Variants in ROBO1 observed in about 807,000 individuals in gnomAD.
ROBO1 encodes the protein roundabout homolog 1.
In ROBO1, 149 loss-of-function variants were observed where a neutral mutation model predicts 195.9. The observed-to-expected ratio is 0.76, with a 90% CI of 0.67 to 0.87. The LOEUF (loss-of-function observed/expected upper bound fraction) is 0.87. ROBO1 is among the 40% of genes least tolerant of loss of function. ROBO1 has a pLI of 0.00. For missense variants in ROBO1, 1,933 were observed against 2,068.3 expected (o/e 0.93, Z 1.27); for synonymous variants, 816 against 733.2 (o/e 1.11, Z -1.82).
chr3:79,557,739 A>C (rs920968200), intron 2 of ROBO1, among the ~76,000 whole-genome samples: 19 of 140,084 alleles, frequency 1.4e-4, no homozygotes, highest in Non-Finnish European at 2.8e-4. Context: ...TTAAAACAAA[A>C]AAAAATATAT....
At chr3:79,597,461 A>G (rs1034275091) in intron 1 of ROBO1, among the ~76,000 whole-genome samples, 14 of 152,054 alleles carry the variant, frequency 9.2e-5, no homozygotes, top group African/African-American at 3.1e-4. Flanking sequence ...GAGTACATAA[A>G]GCACAGTTTT....
chr3:79,047,529 C>T (rs754738586), intron 3 of ROBO1, among the ~76,000 whole-genome samples: 8 of 152,124 alleles, frequency 5.3e-5, no homozygotes, highest in Non-Finnish European at 7.4e-5. Flanking sequence ...GTCATCTTTT[C>T]GTGAATATCT....
In ROBO1 at chr3:79,470,346, T is replaced by C. The variant is rs140660040; in HGVS notation, c.88+119478A>G. On this transcript the variant is annotated intron_variant, in intron 2 of 30. Coordinates refer to ENST00000464233, the MANE Select transcript of ROBO1 (RefSeq NM_002941.4). The stretch of plus-strand genomic sequence containing the variant: ...AACACCACATGTTCTCACTCATAGG[T>C]GGGAATTGAACAATGAGAACACCTG... 2.2e-3 allele frequency among the ~76,000 whole-genome samples: 340 copies of C among 151,952 alleles called. 2 individuals carry two copies. Among genetic ancestry groups the C allele is most frequent in the African/African-American group, 7.7e-3 (318 of 41,434 alleles).
chr3:78,777,739 G>T (rs2083547101), intron 4 of ROBO1, among the ~76,000 whole-genome samples: 1 of 152,082 alleles, frequency 6.6e-6, no homozygotes, highest in Admixed American at 6.6e-5. Flanking sequence ...TTGCTTATTG[G>T]GTTAAGGAAA....
At chr3:79,143,979 C>T (rs2080589542) in intron 2 of ROBO1, among the ~76,000 whole-genome samples, 1 of 151,494 alleles carries the variant, frequency 6.6e-6, no homozygotes, top group Non-Finnish European at 1.5e-5. Flanking sequence ...TTTTTTTCCA[C>T]TCAGCTTAAT....
At chr3:79,022,992 C>T (rs1182610163) in intron 3 of ROBO1, among the ~76,000 whole-genome samples, 2 of 152,168 alleles carry the variant, frequency 1.3e-5, no homozygotes, top group African/African-American at 2.4e-5. Context: ...CAGGTCTCTC[C>T]AGGGATTGCA....
chr3:78,741,752 A>G (rs2082539135), intron 5 of ROBO1, among the ~76,000 whole-genome samples: 1 of 152,158 alleles, frequency 6.6e-6, no homozygotes, highest in Non-Finnish European at 1.5e-5. Context: ...AGTCTCAAAC[A>G]CATGAAGTAA....
chr3:78,660,913 T>C (rs930876084), intron 16 of ROBO1, 117 bp downstream of exon 16: 2 of 744,818 alleles, frequency 2.7e-6, no homozygotes, highest in Non-Finnish European at 4.2e-6. Flanking sequence ...GTATGTTCAA[T>C]ATCAAGAAAG....
chr3:79,071,367 C>A (rs1471012766), intron 3 of ROBO1, among the ~76,000 whole-genome samples: 1 of 151,486 alleles, frequency 6.6e-6, no homozygotes, highest in Non-Finnish European at 1.5e-5. Context: ...TTTTATATTT[C>A]TGTCTAGGTT....
chr3:78,843,831 A>G (rs2033456888), intron 4 of ROBO1, among the ~76,000 whole-genome samples: 1 of 152,114 alleles, frequency 6.6e-6, no homozygotes, highest in Non-Finnish European at 1.5e-5. Flanking sequence ...TAATAAATTA[A>G]GCTCTCAATC....
intron 2 of ROBO1, among the ~76,000 whole-genome samples, chr3:79,135,035 T>C (rs1180297556): frequency 4.2e-5 from 6 of 142,666 alleles, no homozygotes; most frequent in Admixed American, 2.8e-4. Flanking sequence ...ACTTAGAGTA[T>C]AATAAAAAAA....
rs78313175 is a variant in ROBO1, at chr3:78,606,579, A to G, written c.4744+154T>C. 2.6e-3 allele frequency among the ~76,000 whole-genome samples: 391 copies of G among 152,264 alleles called. 1 individual carries two copies. Among genetic ancestry groups the G allele is most frequent in the African/African-American group, 8.9e-3 (368 of 41,542 alleles). On this transcript the variant is annotated intron_variant, in intron 29 of 30. Transcript: ENST00000464233. The stretch of plus-strand genomic sequence containing the variant: ...AGTATAAAGGCATATACTGGAGTGA[A>G]CTGTATTAAAATTATTCGAGTACAT...
At chr3:79,399,255 A>C (rs2037270414) in intron 2 of ROBO1, among the ~76,000 whole-genome samples, 1 of 152,066 alleles carries the variant, frequency 6.6e-6, no homozygotes. Flanking sequence ...AATCCACTAA[A>C]TCTACTCAAA....
At chr3:78,652,653 C>T (rs3773220) in intron 18 of ROBO1, among the ~76,000 whole-genome samples, 28,712 of 151,850 alleles carry the variant, frequency 0.19, 3,456 homozygotes, top group Non-Finnish European at 0.26. Flanking sequence ...ATAATCATGG[C>T]GAGCAACAGA....
chr3:79,705,351 A>C (rs866106992), intron 1 of ROBO1, among the ~76,000 whole-genome samples: 72 of 61,486 alleles, frequency 1.2e-3, no homozygotes, highest in African/African-American at 4.4e-3. Flanking sequence ...CATTTTTTGA[A>C]TACTGTACAG....
chr3:78,908,403 C>T (rs553621163), intron 4 of ROBO1, among the ~76,000 whole-genome samples: 84 of 151,934 alleles, frequency 5.5e-4, no homozygotes, highest in Non-Finnish European at 9.6e-4. Flanking sequence ...GAGACTTGTG[C>T]GTTGCGGTAA....
chr3:79,013,996 G>A (rs982093478), intron 3 of ROBO1, among the ~76,000 whole-genome samples: 1 of 151,898 alleles, frequency 6.6e-6, no homozygotes, highest in African/African-American at 2.4e-5. Context: ...TATACATTGA[G>A]GCAGTCAATA....
chr3:78,614,901 A>G (rs1704025229), intron 27 of ROBO1, 101 bp from the exon 28 acceptor site: 1 of 1,221,398 alleles, frequency 8.2e-7, no homozygotes, highest in Non-Finnish European at 1.1e-6. Context: ...AACAGCTTTA[A>G]TTTTTCTGAA....
chr3:78,664,815 C>A (rs1017402289), intron 14 of ROBO1, among the ~76,000 whole-genome samples: 2 of 152,104 alleles, frequency 1.3e-5, no homozygotes, highest in African/African-American at 4.8e-5. Context: ...CTGTGTTTGC[C>A]TTCTGGTCCC....
Sources: allele counts gnomAD v4.1 joint callset (sites outside exome capture counted in the v4.1 genomes callset), GRCh38; gene constraint gnomAD v4.1.1; transcripts MANE v1.5; gene names NCBI Gene and HGNC (gene_info 2026-07-23, HGNC 2026-07-21).